Variants in BRIP1 observed in about 807,000 individuals in gnomAD.
The protein encoded by BRIP1 is Fanconi anemia group J protein.
BRIP1 carries 88 observed loss-of-function variants against 119.7 expected under a neutral mutation model. The ratio of observed to expected loss-of-function variants is 0.74; its 90% CI spans 0.62 to 0.88. BRIP1 has a LOEUF of 0.88. BRIP1 is among the 40% of genes least tolerant of loss of function. The pLI, the probability that BRIP1 is intolerant of heterozygous loss-of-function variation, is 0.00. For missense variants in BRIP1, 1,259 were observed against 1,455.4 expected (o/e 0.87, Z 2.20); for synonymous variants, 443 against 496.5 (o/e 0.89, Z 1.43).
In BRIP1 at chr17:61,791,725, G is replaced by C. The variant is rs375563726; in HGVS notation, c.1473+1872C>G. ...CTGCCCCATGGAAGTACAGCCCAGT[G>C]CCAAGAGAGCCTCCATTAGCCCACA... On this transcript the variant is annotated intron_variant, in intron 10 of 19. Coordinates refer to ENST00000259008, the MANE Select transcript of BRIP1 (RefSeq NM_032043.3). Among the ~76,000 whole-genome samples, 6 of 152,146 alleles carry C rather than the reference G, an allele frequency of 3.9e-5. No individual in the cohort carries two copies. In the East Asian group the frequency reaches 9.7e-4, roughly 25 times the overall value.
In BRIP1 at chr17:61,807,463, A is replaced by G. The variant is rs190263124; in HGVS notation, c.918+1004T>C. On this transcript the variant is annotated intron_variant, in intron 7 of 19. Transcript: ENST00000259008. This position sits in a 1 kb window ranked among gnomAD's most constrained non-coding sequence, Gnocchi z 4.5. ...TTATACTTTATAATCTCGTTTGAAT[A>G]TCTGTTAAAGTATCTTTTGACCATC... 5.3e-5 allele frequency among the ~76,000 whole-genome samples: 8 copies of G among 152,304 alleles called. No individual in the cohort carries two copies. The East Asian group carries it at 1.3e-3, about 26-fold the overall frequency.
At position 61,685,908 on chromosome 17, in the gene BRIP1, C is replaced by G. The variant is rs863224802; in HGVS notation, c.2833G>C (p.Glu945Gln). The change falls in exon 19 of 20, where the codon GAA becomes CAA. Residue 945 changes from glutamate (E) to glutamine (Q), a missense_variant. Physicochemically the swap from Glu to Gln is conservative, Grantham distance 29. Transcript: ENST00000259008. ...GTAATAATTTTAGGACACTGTAGTT[C>G]CTGGACACATATCTTTGCTTCATCT... Reference protein sequence around the residue: ...VEDEAKICVQELQCPKIITKN... With the variant: ...VEDEAKICVQQLQCPKIITKN... The G allele has an allele frequency of 1.2e-6, 2 of 1,613,872 alleles. No individual in the cohort carries two copies. The highest frequency in any genetic ancestry group is 1.7e-6 in the Non-Finnish European group (2 of 1,179,946).
Position 61,760,795 on chromosome 17 carries a change from G to A in BRIP1, c.2097+15606C>T, listed in dbSNP as rs1162796219. ...CCAATCAAAGAAAAGCCCAAGACCT[G>A]TTGGCTCACTGCTGAATTCTACCTA... On this transcript the variant is annotated intron_variant, in intron 14 of 19. Transcript: ENST00000259008. The surrounding 1 kb of genome is among the most constrained non-coding windows in gnomAD (Gnocchi z 4.6). Among the ~76,000 whole-genome samples the A allele has an allele frequency of 6.6e-6, 1 of 151,940 alleles. No homozygotes were observed. Among genetic ancestry groups the A allele is most frequent in the African/African-American group, 2.4e-5 (1 of 41,432 alleles).
rs1285947952 is a variant in BRIP1, at chr17:61,847,185, G to A, written c.543C>T (p.His181=). The change falls in exon 6 of 20, where the codon CAC becomes CAT. Residue 181 remains histidine (H), a synonymous_variant. Transcript: ENST00000259008. ...CTGAATCAACTTTTGCATCCAAATT[G>A]TGTACTTCTGTTCCAAAGCAATGAC... ...RKRHCFGTEV[H]NLDAKVDSGK... 1.9e-6 allele frequency: 3 copies of A among 1,613,554 alleles called. No individual in the cohort carries two copies. The highest frequency in any genetic ancestry group is 2.7e-5 in the African/African-American group (2 of 75,032).
At position 61,693,449 on chromosome 17, in the gene BRIP1, G is replaced by A. The variant is rs876658785; in HGVS notation, c.2556C>T (p.Asn852=). The change falls in exon 18 of 20, where the codon AAC becomes AAT. Residue 852 remains asparagine, a synonymous_variant. Coordinates refer to ENST00000259008, the MANE Select transcript of BRIP1 (RefSeq NM_032043.3). The surrounding 1 kb of genome is among the most constrained non-coding windows in gnomAD (Gnocchi z 4.2). ...LILVDDRFRN[N]PSRYISGLSK... ...TCTTACCAGATATATAGCGACTTGG[G>A]TTATTCCTAAAGCGATCATCCACTA... The A allele has an allele frequency of 6.2e-7, 1 of 1,613,454 alleles. No homozygotes were observed.
At chr17:61,801,511 T>C (rs1369263521) in intron 7 of BRIP1, 37 bp from the exon 8 acceptor site, 2 of 1,463,130 alleles carry the variant, frequency 1.4e-6, no homozygotes, top group South Asian at 2.3e-5. Flanking sequence ...TGTGAACCAA[T>C]ATTAGCATAG....
At position 61,700,701 on chromosome 17, in the gene BRIP1, G is replaced by A. The variant is rs142596363; in HGVS notation, c.2493-7189C>T. On this transcript the variant is annotated intron_variant, in intron 17 of 19. Coordinates refer to ENST00000259008, the MANE Select transcript of BRIP1 (RefSeq NM_032043.3). This position sits in a 1 kb window ranked among gnomAD's most constrained non-coding sequence, Gnocchi z 4.1. Reference sequence around the variant, plus strand: ...TAAATTAACGTTTTTCATCAAATTCGGAACGTTTTCAGCCATAATTTCTTT... The same window carrying A: ...TAAATTAACGTTTTTCATCAAATTCAGAACGTTTTCAGCCATAATTTCTTT... Among the ~76,000 whole-genome samples the A allele has an allele frequency of 2.0e-5, 3 of 151,898 alleles. No homozygotes were observed. Among genetic ancestry groups the A allele is most frequent in the Non-Finnish European group, 2.9e-5 (2 of 67,992 alleles).
chr17:61,727,269 T>C (rs1218952773), intron 16 of BRIP1, among the ~76,000 whole-genome samples: 1 of 152,080 alleles, frequency 6.6e-6, no homozygotes, highest in Admixed American at 6.6e-5. Flanking sequence ...TTAATCCCAG[T>C]GAGAGGAGGC....
Position 61,776,684 on chromosome 17 carries a change from C to T in BRIP1, c.1936-122G>A. 2.8e-6 allele frequency: 3 copies of T among 1,085,698 alleles called. No individual in the cohort carries two copies. Among genetic ancestry groups the T allele is most frequent in the Admixed American group, 1.9e-5 (1 of 53,936 alleles). The allele number at this position is 1,085,698 out of a possible 1,614,324, so 67.3% of individuals were successfully genotyped here. ...GTTTAACAATTTATTTTTAAATTGTCAGGGGGTTTTCTATTACCTTCAATT... is the reference window on the plus strand; with the variant it reads ...GTTTAACAATTTATTTTTAAATTGTTAGGGGGTTTTCTATTACCTTCAATT... On this transcript the variant is annotated intron_variant, in intron 13 of 19. Coordinates refer to ENST00000259008, the MANE Select transcript of BRIP1 (RefSeq NM_032043.3). The surrounding 1 kb of genome is among the most constrained non-coding windows in gnomAD (Gnocchi z 5.0).
chr17:61,744,649 T>G lies in BRIP1; in HGVS notation c.2098-58A>C. 1 of 1,476,790 alleles carries G rather than the reference T, an allele frequency of 6.8e-7. No homozygotes were observed. The highest frequency in any genetic ancestry group is 2.3e-5 in the East Asian group (1 of 44,058). The allele number at this position is 1,476,790 out of a possible 1,614,324, so 91.5% of individuals were successfully genotyped here. Reference sequence around the variant, plus strand: ...TGTGTCTAGCTAAACAAACTTAACTTCATTTGTTTAAGCCAATGTGACTAC... The same window carrying G: ...TGTGTCTAGCTAAACAAACTTAACTGCATTTGTTTAAGCCAATGTGACTAC... On this transcript the variant is annotated intron_variant, in intron 14 of 19. Transcript: ENST00000259008. The surrounding 1 kb of genome is among the most constrained non-coding windows in gnomAD (Gnocchi z 5.0).
rs772134977 is a variant in BRIP1 at position 61,796,080 on chromosome 17, T to C, written c.1341-2351A>G. Reference sequence around the variant, plus strand: ...TTAGAGAAATGTCTATTCAAATCTTTTGTCCATTTTTAATTAGATTATTAG... The same window carrying C: ...TTAGAGAAATGTCTATTCAAATCTTCTGTCCATTTTTAATTAGATTATTAG... On this transcript the variant is annotated intron_variant, in intron 9 of 19. Transcript: ENST00000259008. This position sits in a 1 kb window ranked among gnomAD's most constrained non-coding sequence, Gnocchi z 4.8. Among the ~76,000 whole-genome samples the C allele has an allele frequency of 2.6e-5, 4 of 152,136 alleles. No homozygotes were observed. The highest frequency in any genetic ancestry group is 4.4e-5 in the Non-Finnish European group (3 of 67,998).
rs895845639 is a variant in BRIP1, at chr17:61,824,838, A to G, written c.628-16081T>C. 3.9e-4 allele frequency among the ~76,000 whole-genome samples: 60 copies of G among 152,354 alleles called. No homozygotes were observed. The highest frequency in any genetic ancestry group is 3.4e-3 in the Middle Eastern group (1 of 294). On this transcript the variant is annotated intron_variant, in intron 6 of 19. Transcript: ENST00000259008. This position sits in a 1 kb window ranked among gnomAD's most constrained non-coding sequence, Gnocchi z 4.3. ...ACCAAATGGGAGAAAATATTTACAA[A>G]TCATGTATCCAATAAGGTATTAATA...
intron 6 of BRIP1, among the ~76,000 whole-genome samples, chr17:61,840,154 T>C (rs796612411): frequency 2.0e-5 from 3 of 152,060 alleles, no homozygotes; most frequent in African/African-American, 7.2e-5. Context: ...AGGTCAGGCG[T>C]TCAAGGCCAG....
In BRIP1 at chr17:61,759,735, T is replaced by G. The variant is rs1006127299; in HGVS notation, c.2098-15144A>C. Among the ~76,000 whole-genome samples, 2 of 152,056 alleles carry G rather than the reference T, an allele frequency of 1.3e-5. No homozygotes were observed. Among genetic ancestry groups the G allele is most frequent in the Admixed American group, 6.6e-5 (1 of 15,246 alleles). On this transcript the variant is annotated intron_variant, in intron 14 of 19. Coordinates refer to ENST00000259008, the MANE Select transcript of BRIP1 (RefSeq NM_032043.3). The surrounding 1 kb of genome is among the most constrained non-coding windows in gnomAD (Gnocchi z 4.9). ...TACTGCAGTCTATTATGTGTACAAG[T>G]GGCATTATGTCTAAAAAAATACATA...
chr17:61,697,008 G>A (rs1462355068), intron 17 of BRIP1, among the ~76,000 whole-genome samples: 1 of 146,956 alleles, frequency 6.8e-6, no homozygotes, highest in Non-Finnish European at 1.5e-5. Flanking sequence ...AAAAAAGGGG[G>A]GGGGAAGTGT....
At position 61,802,698 on chromosome 17, in the gene BRIP1, G is replaced by A. The variant is rs1210525333; in HGVS notation, c.919-1224C>T. 2.0e-5 allele frequency among the ~76,000 whole-genome samples: 3 copies of A among 152,128 alleles called. No homozygotes were observed. The highest frequency in any genetic ancestry group is 6.6e-5 in the Admixed American group (1 of 15,256). ...GATGAACCAGTTTTCTTATTACTGG[G>A]CTTATAGACTGTTACCAATTTCTGC... On this transcript the variant is annotated intron_variant, in intron 7 of 19. Coordinates refer to ENST00000259008, the MANE Select transcript of BRIP1 (RefSeq NM_032043.3). The surrounding 1 kb of genome is among the most constrained non-coding windows in gnomAD (Gnocchi z 6.0).
intron 18 of BRIP1, among the ~76,000 whole-genome samples, chr17:61,688,017 G>A (rs189120321): frequency 6.6e-6 from 1 of 152,274 alleles, no homozygotes; most frequent in Admixed American, 6.5e-5. Context: ...GTGCAACAGA[G>A]GCCCATATAG....
rs1032574757 is a variant in BRIP1, at chr17:61,686,113, A to G, written c.2628T>C (p.Ser876=). 2 of 1,613,984 alleles carry G rather than the reference A, an allele frequency of 1.2e-6. No homozygotes were observed. Among genetic ancestry groups the G allele is most frequent in the Non-Finnish European group, 1.7e-6 (2 of 1,179,968 alleles). ...QQIQHHSTFE[S]ALESLAEFSK... is the part of the protein sequence containing the mutation. ...AAAATTCAGCCAAGGATTCCAGTGCACTTTCAAAGGTTGAATGGTGCTGAA... is the reference window on the plus strand; with the variant it reads ...AAAATTCAGCCAAGGATTCCAGTGCGCTTTCAAAGGTTGAATGGTGCTGAA... Residue 876 remains serine (S), a synonymous_variant, in exon 19 of 20, where the codon AGT becomes AGC. Transcript: ENST00000259008. The surrounding 1 kb of genome is among the most constrained non-coding windows in gnomAD (Gnocchi z 5.4).
rs2078133055 is a variant in BRIP1 at position 61,809,734 on chromosome 17, A to AG, written c.628-978dup. Reference sequence around the variant, plus strand: ...TTTATAGAAGTGGTCATTGATGGGGAGGGAAAAAAGGTAAATAGCATTGTA... The same window carrying AG: ...TTTATAGAAGTGGTCATTGATGGGGAGGGGAAAAAAGGTAAATAGCATTGTA... On this transcript the variant is annotated intron_variant, in intron 6 of 19. Coordinates refer to ENST00000259008, the MANE Select transcript of BRIP1 (RefSeq NM_032043.3). This position sits in a 1 kb window ranked among gnomAD's most constrained non-coding sequence, Gnocchi z 5.2. Among the ~76,000 whole-genome samples the AG allele has an allele frequency of 6.6e-6, 1 of 152,276 alleles. No individual in the cohort carries two copies. Among genetic ancestry groups the AG allele is most frequent in the African/African-American group, 2.4e-5 (1 of 41,576 alleles).
Sources: gnomAD v4.1 joint callset for allele counts (sites outside exome capture counted in the v4.1 genomes callset) on GRCh38, gnomAD v4.1.1 for gene constraint, Gnocchi (gnomAD v3.1) non-coding constraint, MANE v1.5 for transcripts, NCBI Gene and HGNC (gene_info 2026-07-23, HGNC 2026-07-21) for gene names.